Variants in ARHGAP35 observed in about 807,000 individuals in gnomAD.
ARHGAP35 encodes the protein Rho GTPase activating protein 35.
ARHGAP35 carries 15 observed loss-of-function variants against 111.1 expected under a neutral mutation model. The ratio of observed to expected loss-of-function variants is 0.13; its 90% CI spans 0.09 to 0.21. ARHGAP35 has a LOEUF of 0.21. Ranked by LOEUF, ARHGAP35 falls within the 10% of genes least tolerant of loss-of-function variation. ARHGAP35 has a pLI of 1.00. For missense variants in ARHGAP35, 1,262 were observed against 1,873.0 expected (o/e 0.67, Z 6.02); for synonymous variants, 643 against 710.3 (o/e 0.91, Z 1.51).
intron 1 of ARHGAP35, among the ~76,000 whole-genome samples, chr19:46,905,372 C>CTT (rs746861698): frequency 3.0e-5 from 4 of 135,534 alleles, no homozygotes; most frequent in African/African-American, 5.4e-5. Context: ...AGAACTTAAA[C>CTT]TTTTTTTTTT....
chr19:46,967,724 CTTCA>C (rs1477553636), intron 3 of ARHGAP35, among the ~76,000 whole-genome samples: 2 of 152,218 alleles, frequency 1.3e-5, no homozygotes, highest in Non-Finnish European at 2.9e-5. Context: ...TTGCCATTTC[CTTCA>C]TTCACTCTAA....
chr19:46,865,808 C>A (rs528522747), intron 1 of ARHGAP35, among the ~76,000 whole-genome samples: 81 of 152,328 alleles, frequency 5.3e-4, no homozygotes, highest in African/African-American at 1.9e-3. Context: ...CGGTCACCAC[C>A]TGGCAGTCTA....
intron 3 of ARHGAP35, among the ~76,000 whole-genome samples, chr19:46,959,197 A>G (rs1235614853): frequency 1.3e-5 from 2 of 151,812 alleles, no homozygotes; most frequent in Non-Finnish European, 1.5e-5. Flanking sequence ...TCTCCCAGGT[A>G]GGGGCTACAG....
intron 3 of ARHGAP35, among the ~76,000 whole-genome samples, chr19:46,987,083 C>T (rs2056654413): frequency 6.6e-6 from 1 of 152,050 alleles, no homozygotes; most frequent in African/African-American, 2.4e-5. Flanking sequence ...CCACCTCGAC[C>T]TCCCAAAGTG....
chr19:46,875,637 CCA>C (rs2055914749), intron 1 of ARHGAP35, among the ~76,000 whole-genome samples: 1 of 152,006 alleles, frequency 6.6e-6, no homozygotes, highest in Admixed American at 6.6e-5. Flanking sequence ...ATTTTGCTTG[CCA>C]CAGTCTTTTT....
At chr19:46,900,743 A>T (rs1446610113) in intron 1 of ARHGAP35, among the ~76,000 whole-genome samples, 2 of 150,158 alleles carry the variant, frequency 1.3e-5, no homozygotes, top group Non-Finnish European at 3.0e-5. Context: ...TGGAGTTAAC[A>T]ATTTAATGAG....
At chr19:46,958,166 G>A (rs966226702) in intron 3 of ARHGAP35, among the ~76,000 whole-genome samples, 3 of 152,160 alleles carry the variant, frequency 2.0e-5, no homozygotes, top group Non-Finnish European at 2.9e-5. Flanking sequence ...GGCGGATCAC[G>A]AGGTCAGGAG....
intron 1 of ARHGAP35, among the ~76,000 whole-genome samples, chr19:46,887,049 G>T (rs2055996299): frequency 6.6e-6 from 1 of 152,146 alleles, no homozygotes; most frequent in African/African-American, 2.4e-5. Context: ...TTTTGTAACT[G>T]GTGTGGGTGT....
At chr19:46,876,025 A>T (rs2055917310) in intron 1 of ARHGAP35, among the ~76,000 whole-genome samples, 1 of 151,886 alleles carries the variant, frequency 6.6e-6, no homozygotes, top group South Asian at 2.1e-4. Context: ...TCCCAGTCCC[A>T]CCTCTTACCT....
At chr19:46,937,877 A>G (rs2056319239) in intron 3 of ARHGAP35, among the ~76,000 whole-genome samples, 1 of 152,244 alleles carries the variant, frequency 6.6e-6, no homozygotes, top group Non-Finnish European at 1.5e-5. Context: ...ATGTATTGAT[A>G]GGATTTTTTT....
Position 46,975,072 on chromosome 19 carries a change from A to G in ARHGAP35, c.3827-12917A>G, listed in dbSNP as rs145062036. On this transcript the variant is annotated intron_variant, in intron 3 of 6. Coordinates refer to ENST00000672722, the MANE Select transcript of ARHGAP35 (RefSeq NM_004491.5). ...TTTTTAGTAGAGACAGGGTTTCACT[A>G]TGTTGGCCAGACTGGTCTCGAACTC... Among the ~76,000 whole-genome samples the G allele has an allele frequency of 7.9e-3, 1,203 of 152,146 alleles. 19 individuals are homozygous for G. Among genetic ancestry groups the G allele is most frequent in the African/African-American group, 0.028 (1,160 of 41,520 alleles).
chr19:46,995,482 C>A lies in ARHGAP35; in HGVS notation c.4037-3822C>A, dbSNP rs568091513. Among the ~76,000 whole-genome samples the A allele has an allele frequency of 3.3e-5, 5 of 152,378 alleles. No homozygotes were observed. In the South Asian group the frequency reaches 8.3e-4, roughly 25 times the overall value. ...CCCCTGTCCTGTCAGAGGATTACTA[C>A]AGTCAGAGAGGGCTCTGCCGCGTGC... On this transcript the variant is annotated intron_variant, in intron 5 of 6. Transcript: ENST00000672722.
At chr19:46,953,038 C>G (rs1192295964) in intron 3 of ARHGAP35, among the ~76,000 whole-genome samples, 8 of 152,254 alleles carry the variant, frequency 5.3e-5, no homozygotes, top group African/African-American at 1.9e-4. Context: ...CTCCAGAGAG[C>G]TGGAGGACTG....
chr19:46,962,759 A>G (rs1159819118), intron 3 of ARHGAP35, among the ~76,000 whole-genome samples: 1 of 152,132 alleles, frequency 6.6e-6, no homozygotes. Context: ...GATTACAGGC[A>G]TGCACCACCA....
chr19:46,869,476 T>TTGTG (rs36048282), intron 1 of ARHGAP35, among the ~76,000 whole-genome samples: 5,027 of 144,238 alleles, frequency 0.035, 127 homozygotes, highest in South Asian at 0.084. Flanking sequence ...AGAAAAAAAA[T>TTGTG]TGTGTGTGTG....
At chr19:46,900,899 T>C (rs1387101579) in intron 1 of ARHGAP35, among the ~76,000 whole-genome samples, 1 of 152,206 alleles carries the variant, frequency 6.6e-6, no homozygotes, top group Non-Finnish European at 1.5e-5. Context: ...TCCTGCTCAG[T>C]GGGACCTGCT....
intron 1 of ARHGAP35, among the ~76,000 whole-genome samples, chr19:46,888,315 T>TATAA (rs1306931421): frequency 5.4e-5 from 3 of 55,438 alleles, no homozygotes; most frequent in Admixed American, 2.3e-4. Context: ...TATATATATA[T>TATAA]ATAAAATATT....
At chr19:46,938,768 C>G (rs1222135454) in intron 3 of ARHGAP35, among the ~76,000 whole-genome samples, 4 of 152,022 alleles carry the variant, frequency 2.6e-5, no homozygotes, top group African/African-American at 9.7e-5. Flanking sequence ...AGTGATTCTC[C>G]TGCCTCAGCC....
At position 46,919,983 on chromosome 19, in the gene ARHGAP35, T is replaced by C. The variant is rs57494139; in HGVS notation, c.1308T>C (p.Phe436=). Residue 436 remains phenylalanine, a synonymous_variant, in exon 2 of 7, where the codon TTT becomes TTC. Coordinates refer to ENST00000672722, the MANE Select transcript of ARHGAP35 (RefSeq NM_004491.5). This position sits in a 1 kb window ranked among gnomAD's most constrained non-coding sequence, Gnocchi z 6.2. Reference sequence around the variant, plus strand: ...AAAGAGTTGAGATGCGAAGGGCGTTTAAAGAAAACCTGGAGACTTCTCCTT... The same window carrying C: ...AAAGAGTTGAGATGCGAAGGGCGTTCAAAGAAAACCTGGAGACTTCTCCTT... ...ERKRVEMRRA[F]KENLETSPFI... is the part of the protein sequence containing the mutation. 4.9e-4 allele frequency: 786 copies of C among 1,613,976 alleles called. 1 individual carries two copies. In the African/African-American group the frequency reaches 9.5e-3, roughly 20 times the overall value.
Sources: gnomAD v4.1 joint callset for allele counts (sites outside exome capture counted in the v4.1 genomes callset) on GRCh38, gnomAD v4.1.1 for gene constraint, Gnocchi (gnomAD v3.1) non-coding constraint, MANE v1.5 for transcripts, NCBI Gene and HGNC (gene_info 2026-07-23, HGNC 2026-07-21) for gene names.